The following TFCP2 variants were observed in gnomAD, a reference collection of about 807,000 sequenced individuals.
The protein encoded by TFCP2 is alpha-globin transcription factor CP2.
In TFCP2, 33 loss-of-function variants were observed where a neutral mutation model predicts 73.4. The ratio of observed to expected loss-of-function variants is 0.45; its 90% CI spans 0.34 to 0.60. The LOEUF (loss-of-function observed/expected upper bound fraction) is 0.60, where lower values mean the gene tolerates loss of function less well. Ranked by LOEUF, TFCP2 falls within the 20% of genes least tolerant of loss-of-function variation. The pLI is 0.01. For missense variants in TFCP2, 352 were observed against 604.0 expected, an observed-to-expected ratio of 0.58 and a Z score of 4.37; for synonymous variants, 193 against 211.6, an observed-to-expected ratio of 0.91 and a Z score of 0.76.
chr12:51,110,784 G>A (rs1435482097), intron 5 of TFCP2, 93 bp downstream of exon 5: 5 of 972,584 alleles, frequency 5.1e-6, no homozygotes, highest in Non-Finnish European at 8.2e-6. Flanking sequence ...ACCCTGTAAA[G>A]ATTTCAAAGT....
At chr12:51,157,532 G>C (rs1403008989) in intron 1 of TFCP2, among the ~76,000 whole-genome samples, 2 of 151,962 alleles carry the variant, frequency 1.3e-5, no homozygotes, top group Non-Finnish European at 2.9e-5. Context: ...GGGCTCAAGT[G>C]ATACTCCCAT....
At chr12:51,101,824 A>G (rs1940115679) in intron 11 of TFCP2, 111 bp downstream of exon 11, 1 of 628,946 alleles carries the variant, frequency 1.6e-6, no homozygotes, top group Non-Finnish European at 2.8e-6. Context: ...GACATTTAAA[A>G]CAAATGTTTT....
At chr12:51,113,454 A>C (rs1263551483) in intron 4 of TFCP2, among the ~76,000 whole-genome samples, 1 of 152,232 alleles carries the variant, frequency 6.6e-6, no homozygotes, top group Non-Finnish European at 1.5e-5. Flanking sequence ...AAACCAAGTG[A>C]CATAGCTTCT....
chr12:51,149,024 C>CAAAAAAAAAAAAAAAAAAAAAAA (rs60318954), intron 1 of TFCP2, among the ~76,000 whole-genome samples: 6 of 38,006 alleles, frequency 1.6e-4, no homozygotes, highest in African/African-American at 2.7e-4. Context: ...GACTCCATCT[C>CAAAAAAAAAAAAAAAAAAAAAAA]AAAAAAAAAA....
chr12:51,127,516 A>G (rs1940841622), intron 1 of TFCP2, among the ~76,000 whole-genome samples: 1 of 152,240 alleles, frequency 6.6e-6, no homozygotes, highest in South Asian at 2.1e-4. Context: ...AGGAAGCTGA[A>G]GCTGAAGCCC....
intron 4 of TFCP2, among the ~76,000 whole-genome samples, chr12:51,111,598 G>T (rs938562379): frequency 6.6e-6 from 1 of 152,074 alleles, no homozygotes; most frequent in African/African-American, 2.4e-5. Flanking sequence ...GCTCACACCT[G>T]TAATCCCAGC....
Position 51,145,479 on chromosome 12 carries a change from T to C in TFCP2, c.123-26707A>G, listed in dbSNP as rs138105640. Among the ~76,000 whole-genome samples, 895 of 144,574 alleles carry C rather than the reference T, an allele frequency of 6.2e-3. 6 individuals are homozygous for C. Among genetic ancestry groups the C allele is most frequent in the African/African-American group, 0.02 (781 of 38,884 alleles). 94.8% of individuals were successfully genotyped at this position (144,574 alleles called of 152,430 possible). A position where few individuals can be genotyped will look rare whatever the true frequency, so the allele number is the denominator to read the frequency against. On this transcript the variant is annotated intron_variant, in intron 1 of 14. Coordinates refer to ENST00000257915, the MANE Select transcript of TFCP2 (RefSeq NM_005653.5). The stretch of plus-strand genomic sequence containing the variant: ...TACTTGGGAGGCTGAGACAGGAGAA[T>C]TGCTTGAACCCAGGAGGTGAAGGTT...
At chr12:51,122,247 TCTTTTC>T (rs1566210766) in intron 1 of TFCP2, among the ~76,000 whole-genome samples, 1 of 145,318 alleles carries the variant, frequency 6.9e-6, no homozygotes, top group Non-Finnish European at 1.5e-5. Context: ...TTATTTTTTT[TCTTTTC>T]TTTTTTTTTT....
At chr12:51,132,387 T>TTTTTTTTTTA (rs1186866774) in intron 1 of TFCP2, among the ~76,000 whole-genome samples, 3 of 127,580 alleles carry the variant, frequency 2.4e-5, no homozygotes, top group Non-Finnish European at 3.3e-5. Context: ...TTTTTTTTTT[T>TTTTTTTTTTA]AGACAGAGTC....
intron 4 of TFCP2, among the ~76,000 whole-genome samples, chr12:51,115,086 AC>A: frequency 6.9e-6 from 1 of 145,662 alleles, no homozygotes; most frequent in Non-Finnish European, 1.5e-5. Flanking sequence ...AAGGAAAGCA[AC>A]AAGTGTTGAC....
At chr12:51,104,965 G>A (rs1022544889) in intron 8 of TFCP2, among the ~76,000 whole-genome samples, 2 of 151,980 alleles carry the variant, frequency 1.3e-5, no homozygotes, top group African/African-American at 2.4e-5. Flanking sequence ...GCCCGCCTCC[G>A]CCTCCCAAAG....
chr12:51,141,226 G>A (rs1803399505), intron 1 of TFCP2, among the ~76,000 whole-genome samples: 1 of 151,126 alleles, frequency 6.6e-6, no homozygotes, highest in Non-Finnish European at 1.5e-5. Context: ...GCAGGGGGAA[G>A]TGGGGGAAGA....
intron 1 of TFCP2, among the ~76,000 whole-genome samples, chr12:51,128,070 C>G (rs979775861): frequency 5.3e-5 from 8 of 151,976 alleles, no homozygotes; most frequent in Non-Finnish European, 1.2e-4. Flanking sequence ...CATGTGTGCA[C>G]CACCATGCCC....
At chr12:51,124,459 T>C (rs1431880389) in intron 1 of TFCP2, among the ~76,000 whole-genome samples, 1 of 152,184 alleles carries the variant, frequency 6.6e-6, no homozygotes. Flanking sequence ...ATTTTACTTT[T>C]ATTTCCTTCA....
intron 1 of TFCP2, among the ~76,000 whole-genome samples, chr12:51,144,355 A>G (rs1941248091): frequency 6.6e-6 from 1 of 152,156 alleles, no homozygotes; most frequent in South Asian, 2.1e-4. Flanking sequence ...TCTATCAATA[A>G]GCGAACCAAG....
At chr12:51,169,604 T>C (rs1421620468) in intron 1 of TFCP2, among the ~76,000 whole-genome samples, 2 of 151,900 alleles carry the variant, frequency 1.3e-5, no homozygotes, top group Non-Finnish European at 2.9e-5. Context: ...ATGCCTATAG[T>C]CTCAGCTACT....
intron 1 of TFCP2, among the ~76,000 whole-genome samples, chr12:51,152,078 A>G (rs1027624690): frequency 6.6e-6 from 1 of 152,222 alleles, no homozygotes; most frequent in African/African-American, 2.4e-5. Flanking sequence ...ACATCTCCCA[A>G]GACATTATTA....
intron 1 of TFCP2, among the ~76,000 whole-genome samples, chr12:51,150,745 A>T (rs1329974514): frequency 6.6e-6 from 1 of 152,266 alleles, no homozygotes; most frequent in African/African-American, 2.4e-5. Context: ...TTAGGTCTCA[A>T]TGAAGAGAGA....
chr12:51,110,729 T>C (rs1940378906), intron 5 of TFCP2, 148 bp downstream of exon 5: 1 of 535,754 alleles, frequency 1.9e-6, no homozygotes, highest in South Asian at 3.3e-5. Context: ...TCCTCAATGC[T>C]CTCAGGCACA....
Sources: gnomAD v4.1 joint callset for allele counts (sites outside exome capture counted in the v4.1 genomes callset) on GRCh38, gnomAD v4.1.1 for gene constraint, MANE v1.5 for transcripts, NCBI Gene and HGNC (gene_info 2026-07-23, HGNC 2026-07-21) for gene names.